The following C3orf70 variants were observed in gnomAD, a reference collection of about 807,000 sequenced individuals.
The protein encoded by C3orf70 is UPF0524 protein C3orf70.
A neutral mutation model predicts 20.7 loss-of-function variants in C3orf70; 15 were observed. The observed-to-expected ratio is 0.72, with a 90% CI of 0.48 to 1.11. C3orf70 has a LOEUF of 1.11. Ranked by LOEUF, C3orf70 falls within the 50% of genes most tolerant of loss-of-function variation. C3orf70 has a pLI of 0.00. For missense variants in C3orf70, 332 were observed against 317.6 expected, an observed-to-expected ratio of 1.05 and a Z score of -0.34; for synonymous variants, 161 against 125.7, an observed-to-expected ratio of 1.28 and a Z score of -1.88.
chr3:185,089,680 C>T (rs965814454), intron 1 of C3orf70, among the ~76,000 whole-genome samples: 6 of 152,152 alleles, frequency 3.9e-5, no homozygotes, highest in Non-Finnish European at 8.8e-5. Context: ...AACTCATTAA[C>T]TTATCTTTAA....
Position 185,152,771 on chromosome 3 carries a change from A to G in C3orf70, c.53T>C (p.Leu18Pro), listed in dbSNP as rs1449867738. 6.3e-7 allele frequency: 1 copy of G among 1,583,614 alleles called. No homozygotes were observed. ...ASERGWKSEKLDEAQALARSC... is the reference protein window; with the variant it reads ...ASERGWKSEKPDEAQALARSC... Reference sequence around the variant, plus strand: ...CCGCGCCAGGGCCTGAGCCTCATCTAGTTTCTCGCTCTTCCAACCCCGCTC... The same window carrying G: ...CCGCGCCAGGGCCTGAGCCTCATCTGGTTTCTCGCTCTTCCAACCCCGCTC... The change falls in exon 1 of 2, where the codon CTA (leucine) becomes CCA (proline). Residue 18 changes from leucine (L) to proline (P), a missense_variant. Leu to Pro is a moderately conservative substitution (Grantham distance 98). Coordinates refer to ENST00000335012, the MANE Select transcript of C3orf70 (RefSeq NM_001025266.3).
intron 1 of C3orf70, among the ~76,000 whole-genome samples, chr3:185,094,076 T>TG (rs1715649835): frequency 2.0e-5 from 1 of 49,456 alleles, no homozygotes; most frequent in African/African-American, 5.4e-5. Flanking sequence ...ACCCTGGGGT[T>TG]TTTTTTTTTT....
rs140105167 is a variant in C3orf70 at position 185,152,766 on chromosome 3, C to T, written c.58G>A (p.Glu20Lys). The change falls in exon 1 of 2, where the codon GAG becomes AAG. Residue 20 changes from glutamate (E) to lysine (K), a missense_variant. Physicochemically the swap from Glu to Lys is moderately conservative, Grantham distance 56 (BLOSUM62 1). Transcript: ENST00000335012. ...CAACTCCGCGCCAGGGCCTGAGCCT[C>T]ATCTAGTTTCTCGCTCTTCCAACCC... ...ERGWKSEKLD[E>K]AQALARSCAA... The T allele has an allele frequency of 3.1e-5, 49 of 1,585,756 alleles. No homozygotes were observed. The highest frequency in any genetic ancestry group is 5.7e-5 in the South Asian group (5 of 88,270).
chr3:185,137,964 C>G (rs1716661288), intron 1 of C3orf70, among the ~76,000 whole-genome samples: 1 of 152,098 alleles, frequency 6.6e-6, no homozygotes, highest in Non-Finnish European at 1.5e-5. Flanking sequence ...AAAGAGCTGC[C>G]TCTTTTAAAA....
At chr3:185,125,117 C>A (rs766774476) in intron 1 of C3orf70, among the ~76,000 whole-genome samples, 1 of 152,126 alleles carries the variant, frequency 6.6e-6, no homozygotes, top group Non-Finnish European at 1.5e-5. Context: ...CAGTGGCTCA[C>A]GCCTGCAATC....
intron 1 of C3orf70, among the ~76,000 whole-genome samples, chr3:185,138,334 A>T (rs2108604945): frequency 6.6e-6 from 1 of 152,298 alleles, no homozygotes; most frequent in African/African-American, 2.4e-5. Flanking sequence ...TGTTTAAAGA[A>T]AATTTAATAC....
chr3:185,124,214 T>C (rs924414701), intron 1 of C3orf70, among the ~76,000 whole-genome samples: 2 of 152,190 alleles, frequency 1.3e-5, no homozygotes, highest in African/African-American at 2.4e-5. Flanking sequence ...CAGATTTTGG[T>C]ATCCACGGGG....
At chr3:185,112,259 C>T (rs1409696803) in intron 1 of C3orf70, among the ~76,000 whole-genome samples, 1 of 152,144 alleles carries the variant, frequency 6.6e-6, no homozygotes, top group Non-Finnish European at 1.5e-5. Context: ...CACTGCATTC[C>T]AGCCTGAGCT....
At chr3:185,108,339 A>C (rs1315110728) in intron 1 of C3orf70, among the ~76,000 whole-genome samples, 2 of 152,208 alleles carry the variant, frequency 1.3e-5, no homozygotes, top group Non-Finnish European at 1.5e-5. Flanking sequence ...GCTGTAATTG[A>C]GGTATTGACT....
In C3orf70 at chr3:185,080,143, TGA is replaced by T; in HGVS notation, c.*2862_*2863del. 6.5e-6 allele frequency: 1 copy of T among 152,790 alleles called. No homozygotes were observed. The highest frequency in any genetic ancestry group is 1.9e-4 in the East Asian group (1 of 5,194). The allele number at this position is 152,790 out of a possible 1,614,324, so 9.5% of individuals were successfully genotyped here. ...TGTGCTTATTTAGAAAAGGTCATTTTGAGATCCAGGAGTGTCTGATGCTTAGA... is the reference window on the plus strand; with the variant it reads ...TGTGCTTATTTAGAAAAGGTCATTTTGATCCAGGAGTGTCTGATGCTTAGA... On this transcript the variant is annotated 3_prime_UTR_variant, in exon 2 of 2. Coordinates refer to ENST00000335012, the MANE Select transcript of C3orf70 (RefSeq NM_001025266.3).
chr3:185,100,177 C>T (rs1374594420), intron 1 of C3orf70, among the ~76,000 whole-genome samples: 1 of 152,184 alleles, frequency 6.6e-6, no homozygotes, highest in Non-Finnish European at 1.5e-5. Context: ...AGGACCTGAA[C>T]TCAGTAGTGG....
chr3:185,119,618 T>A (rs9842253), intron 1 of C3orf70, among the ~76,000 whole-genome samples: 7,901 of 152,274 alleles, frequency 0.052, 666 homozygotes, highest in African/African-American at 0.18. Context: ...ATAAAGCTTA[T>A]GTTGGTCTTT....
intron 1 of C3orf70, among the ~76,000 whole-genome samples, chr3:185,085,877 TC>T (rs1208770558): frequency 6.6e-6 from 1 of 152,192 alleles, no homozygotes; most frequent in African/African-American, 2.4e-5. Flanking sequence ...GGGGAACTAC[TC>T]TTCTGTCCAC....
At chr3:185,134,036 CTA>C (rs200185018) in intron 1 of C3orf70, among the ~76,000 whole-genome samples, 3,083 of 151,216 alleles carry the variant, frequency 0.02, 36 homozygotes, top group Middle Eastern at 0.033. Context: ...CTGCAGTGAG[CTA>C]TGATTGTGCC....
At chr3:185,086,511 C>T (rs1265546171) in intron 1 of C3orf70, among the ~76,000 whole-genome samples, 2 of 152,166 alleles carry the variant, frequency 1.3e-5, no homozygotes. Context: ...TGTGAGGGTA[C>T]AGCATCTGCA....
At chr3:185,132,276 A>T (rs1716536861) in intron 1 of C3orf70, among the ~76,000 whole-genome samples, 1 of 152,246 alleles carries the variant, frequency 6.6e-6, no homozygotes, top group Admixed American at 6.5e-5. Context: ...GAACTATCAG[A>T]AACAGAACAT....
intron 1 of C3orf70, among the ~76,000 whole-genome samples, chr3:185,091,727 C>G (rs1173004228): frequency 6.7e-6 from 1 of 149,406 alleles, no homozygotes; most frequent in Non-Finnish European, 1.5e-5. Context: ...CTCTGTTGTG[C>G]AGGCTGGAGT....
rs1483211719 is a variant in C3orf70 at position 185,078,283 on chromosome 3, G to C, written c.*4724C>G. ...AAAGTGAGGTGGACACAACGATATA[G>C]AAGCTCAATATTAAAGCCGCTAGTG... On this transcript the variant is annotated 3_prime_UTR_variant, in exon 2 of 2. Coordinates refer to ENST00000335012, the MANE Select transcript of C3orf70 (RefSeq NM_001025266.3). The C allele has an allele frequency of 1.3e-5, 2 of 152,656 alleles. No individual in the cohort carries two copies. Among genetic ancestry groups the C allele is most frequent in the Non-Finnish European group, 2.9e-5 (2 of 68,040 alleles). 9.5% of individuals were successfully genotyped at this position (152,656 alleles called of 1,614,324 possible).
chr3:185,092,614 A>G (rs777585604), intron 1 of C3orf70, among the ~76,000 whole-genome samples: 1 of 152,228 alleles, frequency 6.6e-6, no homozygotes, highest in Non-Finnish European at 1.5e-5. Flanking sequence ...CATACTTCAA[A>G]TCTCACATGA....
Sources: allele counts gnomAD v4.1 joint callset (sites outside exome capture counted in the v4.1 genomes callset), GRCh38; gene constraint gnomAD v4.1.1; transcripts MANE v1.5; gene names NCBI Gene and HGNC (gene_info 2026-07-23, HGNC 2026-07-21).